Variants in STARD13 observed in about 807,000 individuals in gnomAD.
STARD13 encodes the protein stAR-related lipid transfer protein 13.
Under a neutral mutation model 106.4 loss-of-function variants are expected in STARD13, and 62 were observed. That is an observed-to-expected ratio of 0.58 (90% CI 0.48 to 0.72). The LOEUF (loss-of-function observed/expected upper bound fraction) is 0.72, where lower values mean the gene tolerates loss of function less well. Among genes scored for constraint, STARD13 ranks in the 30% least tolerant of loss-of-function variants. STARD13 has a pLI of 0.00. For missense variants in STARD13, 1,387 were observed against 1,424.0 expected, an observed-to-expected ratio of 0.97 and a Z score of 0.42; for synonymous variants, 565 against 553.0, an observed-to-expected ratio of 1.02 and a Z score of -0.31.
intron 4 of STARD13, among the ~76,000 whole-genome samples, chr13:33,132,218 G>A (rs1490652844): frequency 4.6e-5 from 7 of 152,204 alleles, no homozygotes; most frequent in African/African-American, 9.7e-5. Context: ...TGGCTGATAC[G>A]GTTTGGTTGT....
intron 1 of STARD13, among the ~76,000 whole-genome samples, chr13:33,221,729 G>T (rs1458653287): frequency 6.6e-6 from 1 of 152,170 alleles, no homozygotes; most frequent in Non-Finnish European, 1.5e-5. Flanking sequence ...AGAGATATTT[G>T]TACATTCACA....
the STARD13 span, among the ~76,000 whole-genome samples, chr13:33,562,111 T>C: frequency 9.9e-4 from 145 of 146,998 alleles, 12 homozygotes; most frequent in Non-Finnish European, 9.7e-4. Flanking sequence ...ATATGAGATA[T>C]AGATCCAGTG....
At chr13:33,381,753 T>A in the STARD13 span, among the ~76,000 whole-genome samples, 2 of 152,078 alleles carry the variant, frequency 1.3e-5, no homozygotes, top group East Asian at 1.9e-4. Flanking sequence ...AATAAAAAAA[T>A]AAAACTAAAA....
chr13:33,229,727 T>C (rs1375663380), intron 1 of STARD13, among the ~76,000 whole-genome samples: 1 of 152,212 alleles, frequency 6.6e-6, no homozygotes, highest in Non-Finnish European at 1.5e-5. Flanking sequence ...AAGAACCCTT[T>C]GTTTGGAAAA....
chr13:33,472,761 T>A, the STARD13 span, among the ~76,000 whole-genome samples: 2 of 152,176 alleles, frequency 1.3e-5, no homozygotes, highest in African/African-American at 4.8e-5. Context: ...GGTCTAACAT[T>A]GAACAGAATA....
chr13:33,542,571 C>G, the STARD13 span, among the ~76,000 whole-genome samples: 1 of 152,248 alleles, frequency 6.6e-6, no homozygotes, highest in Non-Finnish European at 1.5e-5. Context: ...CCCTCGCCCT[C>G]CCACCAAGAC....
At chr13:33,580,834 CATACAT>C in the STARD13 span, among the ~76,000 whole-genome samples, 2 of 152,046 alleles carry the variant, frequency 1.3e-5, no homozygotes, top group African/African-American at 2.4e-5. Context: ...AATTAGAAAA[CATACAT>C]ATATATTTGT....
At chr13:33,175,626 A>G (rs1884436787) in intron 1 of STARD13, among the ~76,000 whole-genome samples, 1 of 152,144 alleles carries the variant, frequency 6.6e-6, no homozygotes, top group South Asian at 2.1e-4. Context: ...TGGCCAAATG[A>G]CCAGTATCAG....
the STARD13 span, among the ~76,000 whole-genome samples, chr13:33,557,063 A>G: frequency 1.3e-5 from 2 of 152,314 alleles, no homozygotes; most frequent in South Asian, 2.1e-4. Flanking sequence ...CTCTCATTCA[A>G]TCTGTAGAGC....
the STARD13 span, among the ~76,000 whole-genome samples, chr13:33,387,983 C>T: frequency 6.6e-6 from 1 of 152,208 alleles, no homozygotes; most frequent in African/African-American, 2.4e-5. Flanking sequence ...ATATGGTGGT[C>T]TTTCCTCTGT....
the STARD13 span, among the ~76,000 whole-genome samples, chr13:33,585,420 A>G: frequency 8.0e-3 from 1,219 of 152,366 alleles, 5 homozygotes; most frequent in Middle Eastern, 0.014. Context: ...TAGGCCAGGT[A>G]TTGTGGCTCA....
the STARD13 span, among the ~76,000 whole-genome samples, chr13:33,521,595 G>A: frequency 2.0e-4 from 30 of 152,224 alleles, no homozygotes; most frequent in South Asian, 4.1e-4. Flanking sequence ...GACAGTGGTA[G>A]TGAAAGCAGA....
chr13:33,561,279 G>A, the STARD13 span, among the ~76,000 whole-genome samples: 3 of 151,082 alleles, frequency 2.0e-5, no homozygotes, highest in South Asian at 6.2e-4. Context: ...TTTATTCTAG[G>A]GCTTAAAATT....
At chr13:33,456,161 G>A in the STARD13 span, among the ~76,000 whole-genome samples, 1 of 152,046 alleles carries the variant, frequency 6.6e-6, no homozygotes, top group Non-Finnish European at 1.5e-5. Context: ...ATCACAGACT[G>A]GGTGGCTTAA....
chr13:33,110,574 C>G, intron 11 of STARD13, 112 bp downstream of exon 11: 6 of 858,264 alleles, frequency 7.0e-6, no homozygotes, highest in Non-Finnish European at 7.8e-6. Flanking sequence ...CTTAACTGTC[C>G]GCGTGTGTGC....
chr13:33,163,641 C>CAT (rs773984520), intron 3 of STARD13, among the ~76,000 whole-genome samples: 1,207 of 52,124 alleles, frequency 0.023, 33 homozygotes, highest in African/African-American at 0.047. Context: ...ATATATATAA[C>CAT]ATATATATAT....
At chr13:33,674,393 A>G in the STARD13 span, among the ~76,000 whole-genome samples, 1 of 152,222 alleles carries the variant, frequency 6.6e-6, no homozygotes, top group Non-Finnish European at 1.5e-5. Context: ...ACTAAGAAAA[A>G]TAAAGAAAAC....
chr13:33,315,054 T>A (rs1377708137), intron 1 of STARD13, among the ~76,000 whole-genome samples: 1 of 152,196 alleles, frequency 6.6e-6, no homozygotes, highest in East Asian at 1.9e-4. Context: ...ATGTGTGTCC[T>A]CTGTAACATC....
chr13:33,240,999 T>C (rs1889459499), intron 1 of STARD13, among the ~76,000 whole-genome samples: 1 of 152,234 alleles, frequency 6.6e-6, no homozygotes, highest in Non-Finnish European at 1.5e-5. Flanking sequence ...TATAAGATCA[T>C]GTCATCTGCA....
Sources: gnomAD v4.1 joint callset for allele counts (sites outside exome capture counted in the v4.1 genomes callset) on GRCh38, gnomAD v4.1.1 for gene constraint, MANE v1.5 for transcripts, NCBI Gene and HGNC (gene_info 2026-07-23, HGNC 2026-07-21) for gene names.